Variants in ITPA observed in about 807,000 individuals in gnomAD.
The protein encoded by ITPA is inosine triphosphate pyrophosphatase.
A neutral mutation model predicts 29.6 loss-of-function variants in ITPA; 29 were observed. The ratio of observed to expected loss-of-function variants is 0.98; its 90% CI spans 0.73 to 1.34. The LOEUF is 1.34. Among genes scored for constraint, ITPA ranks in the 40% most tolerant of loss-of-function variants. The probability of loss-of-function intolerance (pLI) is 0.00; values close to 1 mark genes in which losing one functional copy is unlikely to be tolerated. For missense variants in ITPA, 241 were observed against 251.5 expected (o/e 0.96, Z 0.28); for synonymous variants, 103 against 99.3 (o/e 1.04, Z -0.22).
downstream of ITPA, among the ~76,000 whole-genome samples, chr20:3,226,055 T>G (rs958111997): frequency 1.3e-5 from 2 of 152,144 alleles, no homozygotes; most frequent in Non-Finnish European, 2.9e-5. The surrounding 1 kb of genome is among the most constrained non-coding windows in gnomAD (Gnocchi z 4.4). Flanking sequence ...TAAATATAAG[T>G]AAATGTTTCC....
downstream of ITPA, among the ~76,000 whole-genome samples, chr20:3,226,270 T>C (rs1391881170): frequency 6.6e-6 from 1 of 152,122 alleles, no homozygotes; most frequent in African/African-American, 2.4e-5. The surrounding 1 kb of genome is among the most constrained non-coding windows in gnomAD (Gnocchi z 4.4). Context: ...TTGAATTGAA[T>C]TGGTGGGCAC....
intron 6 of ITPA, 69 bp from the exon 7 acceptor site, chr20:3,221,772 T>C: frequency 7.0e-7 from 1 of 1,425,154 alleles, no homozygotes; most frequent in Non-Finnish European, 9.9e-7. Context: ...AAACTCATAC[T>C]GGCCACTGCC....
intron 5 of ITPA, 26 bp from the exon 6 acceptor site, chr20:3,218,491 A>T (rs1244912126): frequency 6.5e-7 from 1 of 1,529,992 alleles, no homozygotes; most frequent in Non-Finnish European, 9.1e-7. Flanking sequence ...TTAGGGATGC[A>T]CTGAGCCCTC....
chr20:3,205,836 CT>C (rs1265587397), upstream of ITPA, among the ~76,000 whole-genome samples: 1 of 152,092 alleles, frequency 6.6e-6, no homozygotes, highest in African/African-American at 2.4e-5. Flanking sequence ...GGGCGGATCA[CT>C]TCAGGTCAAG....
rs1416544923 is a variant in ITPA, at chr20:3,221,908, A to C, written c.479A>C (p.Tyr160Ser). ...GWDPCFQPDGYEQTYAEMPKA... is the reference protein window; with the variant it reads ...GWDPCFQPDGSEQTYAEMPKA... ...GACCCCTGCTTTCAGCCTGATGGAT[A>C]TGAGCAGACGTAAGGAGCCCTGCTT... is the stretch of plus-strand genomic sequence containing the variant. The change falls in exon 7 of 8, where the codon TAT becomes TCT. Residue 160 changes from tyrosine (Y) to serine (S), a missense_variant. Physicochemically the swap from Tyr to Ser is moderately radical, Grantham distance 144 (BLOSUM62 -2). Transcript: ENST00000380113. 1 of 1,613,798 alleles carries C rather than the reference A, an allele frequency of 6.2e-7. No individual in the cohort carries two copies. Among genetic ancestry groups the C allele is most frequent in the African/African-American group, 1.3e-5 (1 of 74,926 alleles).
upstream of ITPA, chr20:3,204,451 G>C: frequency 1.4e-6 from 2 of 1,390,178 alleles, no homozygotes. Context: ...GTGCGCACGC[G>C]CAGGAGCCGC....
intron 6 of ITPA, among the ~76,000 whole-genome samples, chr20:3,220,919 G>T (rs189483928): frequency 1.3e-5 from 2 of 151,950 alleles, no homozygotes; most frequent in African/African-American, 4.8e-5. Flanking sequence ...GTGTTTGTTT[G>T]TTTGTTTGGA....
chr20:3,221,873 C>T lies in ITPA; in HGVS notation c.444C>T (p.Asp148=). Residue 148 remains aspartate (D), a synonymous_variant, in exon 7 of 8, where the codon GAC becomes GAT. Coordinates refer to ENST00000380113, the MANE Select transcript of ITPA (RefSeq NM_033453.4). ...GRIVAPRGCQ[D]FGWDPCFQPD... is the part of the protein sequence containing the mutation. ...TCGTGGCACCCAGAGGCTGCCAGGACTTTGGCTGGGACCCCTGCTTTCAGC... is the reference window on the plus strand; with the variant it reads ...TCGTGGCACCCAGAGGCTGCCAGGATTTTGGCTGGGACCCCTGCTTTCAGC... 1 of 1,614,116 alleles carries T rather than the reference C, an allele frequency of 6.2e-7. No individual in the cohort carries two copies. Among genetic ancestry groups the T allele is most frequent in the Non-Finnish European group, 8.5e-7 (1 of 1,180,036 alleles).
At chr20:3,226,839 C>T (rs1217851274), downstream of ITPA, among the ~76,000 whole-genome samples, 1 of 152,090 alleles carries the variant, frequency 6.6e-6, no homozygotes, top group African/African-American at 2.4e-5. This position sits in a 1 kb window ranked among gnomAD's most constrained non-coding sequence, Gnocchi z 4.4. Flanking sequence ...TCCCTGTTGT[C>T]GGCTGCCATT....
chr20:3,223,860 A>C lies in ITPA; in HGVS notation c.*398A>C, dbSNP rs1600543959. On this transcript the variant is annotated 3_prime_UTR_variant, in exon 8 of 8. Transcript: ENST00000380113. Reference sequence around the variant, plus strand: ...AATAAACCAGCTATATCTGTTTTGAACCCTGCCCCAGGCAGGTGTCTGTCT... The same window carrying C: ...AATAAACCAGCTATATCTGTTTTGACCCCTGCCCCAGGCAGGTGTCTGTCT... 20 of 142,522 alleles carry C rather than the reference A, an allele frequency of 1.4e-4. No homozygotes were observed. Among genetic ancestry groups the C allele is most frequent in the South Asian group, 6.1e-4 (4 of 6,538 alleles). 8.8% of individuals were successfully genotyped at this position (142,522 alleles called of 1,614,324 possible). A position where few individuals can be genotyped will look rare whatever the true frequency, so the allele number is the denominator to read the frequency against.
At chr20:3,225,155 A>G (rs2067541671), downstream of ITPA, among the ~76,000 whole-genome samples, 2 of 152,128 alleles carry the variant, frequency 1.3e-5, no homozygotes, top group South Asian at 2.1e-4. Context: ...GTGAGCCGTG[A>G]TTGCGCCACT....
chr20:3,218,043 G>C lies in ITPA; in HGVS notation c.296-474G>C, dbSNP rs1300176333. Among the ~76,000 whole-genome samples, 47 of 151,690 alleles carry C rather than the reference G, an allele frequency of 3.1e-4. 1 individual carries two copies. The highest frequency in any genetic ancestry group is 3.0e-3 in the Admixed American group (46 of 15,202). On this transcript the variant is annotated intron_variant, in intron 5 of 7. Transcript: ENST00000380113. The stretch of plus-strand genomic sequence containing the variant: ...CACCATTCTCCTGCCTCAGCCTCCC[G>C]AGCAGCTGGAGCTACAGGCATCAGC...
upstream of ITPA, chr20:3,204,431 G>GCC (rs532243037): frequency 4.3e-5 from 52 of 1,202,726 alleles, no homozygotes; most frequent in Non-Finnish European, 5.8e-5. Flanking sequence ...CATGCGTCCC[G>GCC]CCCGCCCAGG....
At chr20:3,212,989 T>C (rs1334287273) in intron 1 of ITPA, among the ~76,000 whole-genome samples, 180 bp from the exon 2 acceptor site, 1 of 151,396 alleles carries the variant, frequency 6.6e-6, no homozygotes, top group African/African-American at 2.4e-5. Context: ...AGCAAGGAGA[T>C]GGAAGGGGCT....
In ITPA at chr20:3,218,613, T is replaced by C. The variant is rs2067374263; in HGVS notation, c.392T>C (p.Leu131Pro). 6.2e-7 allele frequency: 1 copy of C among 1,613,166 alleles called. No homozygotes were observed. The highest frequency in any genetic ancestry group is 8.5e-7 in the Non-Finnish European group (1 of 1,179,418). Residue 131 changes from leucine (L) to proline (P), a missense_variant, in exon 6 of 8, where the codon CTG becomes CCG. Coordinates refer to ENST00000380113, the MANE Select transcript of ITPA (RefSeq NM_033453.4). ...GGGGACCCAAGCCAGCCCGTGCGCC[T>C]GTTCAGGGGCCGGACCTCGGTGCGT... is the stretch of plus-strand genomic sequence containing the variant. ...STGDPSQPVR[L>P]FRGRTSGRIV... is the part of the protein sequence containing the mutation.
upstream of ITPA, among the ~76,000 whole-genome samples, chr20:3,206,428 C>G (rs1382034627): frequency 6.8e-6 from 1 of 146,624 alleles, no homozygotes; most frequent in African/African-American, 2.5e-5. Flanking sequence ...CACCGTGGCT[C>G]ACGCCTACAA....
In ITPA at chr20:3,214,076, C is replaced by T. The variant is rs2067235470; in HGVS notation, c.263+18C>T. 6.2e-7 allele frequency: 1 copy of T among 1,613,050 alleles called. No individual in the cohort carries two copies. The highest frequency in any genetic ancestry group is 8.5e-7 in the Non-Finnish European group (1 of 1,178,980). On this transcript the variant is annotated intron_variant, in intron 4 of 7. Coordinates refer to ENST00000380113, the MANE Select transcript of ITPA (RefSeq NM_033453.4). ...CCCTACATGTGAGTGACTACCTCCACCCCCTTACAGGGCGTCAGGCCCAAA... is the reference window on the plus strand; with the variant it reads ...CCCTACATGTGAGTGACTACCTCCATCCCCTTACAGGGCGTCAGGCCCAAA...
At chr20:3,220,115 C>A (rs1451741055) in intron 6 of ITPA, among the ~76,000 whole-genome samples, 1 of 151,914 alleles carries the variant, frequency 6.6e-6, no homozygotes, top group South Asian at 2.1e-4. Context: ...GTATTCAACA[C>A]CCCCTACTGC....
chr20:3,218,433 C>T (rs1600522028), intron 5 of ITPA, 84 bp from the exon 6 acceptor site: 3 of 988,906 alleles, frequency 3.0e-6, no homozygotes, highest in South Asian at 2.6e-5. Flanking sequence ...GAATTCCTCC[C>T]TCCCCACCCT....
Sources: gnomAD v4.1 joint callset for allele counts (sites outside exome capture counted in the v4.1 genomes callset) on GRCh38, gnomAD v4.1.1 for gene constraint, Gnocchi (gnomAD v3.1) non-coding constraint, MANE v1.5 for transcripts, NCBI Gene and HGNC (gene_info 2026-07-23, HGNC 2026-07-21) for gene names.